MTUS2: variants seen among roughly 807,000 people sequenced by gnomAD.
MTUS2 encodes microtubule-associated tumor suppressor candidate 2.
In MTUS2, 40 loss-of-function variants were observed where a neutral mutation model predicts 114.1. That is an observed-to-expected ratio of 0.35 (90% CI 0.27 to 0.46). The LOEUF is 0.46. Among genes scored for constraint, MTUS2 ranks in the 20% least tolerant of loss-of-function variants. The probability of loss-of-function intolerance (pLI) is 1.00; values close to 1 mark genes in which losing one functional copy is unlikely to be tolerated. For missense variants in MTUS2, 1,679 were observed against 1,705.4 expected (o/e 0.98, Z 0.27); for synonymous variants, 688 against 672.0 (o/e 1.02, Z -0.37).
chr13:29,217,240 G>A (rs1025798484), intron 5 of MTUS2, among the ~76,000 whole-genome samples: 1 of 151,918 alleles, frequency 6.6e-6, no homozygotes, highest in African/African-American at 2.4e-5. Context: ...TACAGCAATG[G>A]TATTATATTC....
At chr13:28,883,372 C>T (rs564822999) in intron 2 of MTUS2, among the ~76,000 whole-genome samples, 1 of 152,184 alleles carries the variant, frequency 6.6e-6, no homozygotes, top group South Asian at 2.1e-4. Context: ...CAGCTTTATT[C>T]AGAATAGAAA....
chr13:29,503,319 G>A lies in MTUS2; in HGVS notation c.*113G>A, dbSNP rs970958709. On this transcript the variant is annotated 3_prime_UTR_variant, in exon 16 of 16. Transcript: ENST00000612955. The stretch of plus-strand genomic sequence containing the variant: ...CCCTGTGCGCATGCTCAGTAGCTGC[G>A]AATGCATCCTAGGCGCGTCCTCCTC... The A allele has an allele frequency of 9.2e-6, 11 of 1,199,136 alleles. No homozygotes were observed. The highest frequency in any genetic ancestry group is 9.5e-6 in the Non-Finnish European group (8 of 843,822). 74.3% of individuals were successfully genotyped at this position (1,199,136 alleles called of 1,614,324 possible).
Position 29,471,748 on chromosome 13 carries a change from C to T in MTUS2, c.3185-8402C>T, listed in dbSNP as rs531152679. 2.5e-4 allele frequency among the ~76,000 whole-genome samples: 37 copies of T among 150,206 alleles called. 1 individual carries two copies. The highest frequency in any genetic ancestry group is 6.6e-4 in the Admixed American group (10 of 15,144). On this transcript the variant is annotated intron_variant, in intron 9 of 15. Transcript: ENST00000612955. ...CCTCTGCTCTGCAGGCCCAGCCCCC[C>T]CCGACACATTGATCTTAGGTCACTT...
At chr13:29,032,192 C>T (rs1270973157) in intron 3 of MTUS2, among the ~76,000 whole-genome samples, 1 of 152,078 alleles carries the variant, frequency 6.6e-6, no homozygotes, top group Non-Finnish European at 1.5e-5. Context: ...CGCAGTTTTC[C>T]CCCTTTTAAA....
chr13:29,232,838 A>G (rs998785190), intron 5 of MTUS2, among the ~76,000 whole-genome samples: 2 of 152,212 alleles, frequency 1.3e-5, no homozygotes, highest in Non-Finnish European at 2.9e-5. Context: ...CTATTCCAGG[A>G]GAAATGTCTG....
chr13:28,894,301 A>AG (rs1566203634), intron 2 of MTUS2, among the ~76,000 whole-genome samples: 1 of 3,144 alleles, frequency 3.2e-4, no homozygotes. Flanking sequence ...AGAGAGAGAG[A>AG]GAGGGGGGGG....
chr13:29,046,117 ATTT>A (rs5802505), intron 4 of MTUS2, among the ~76,000 whole-genome samples: 1 of 144,738 alleles, frequency 6.9e-6, no homozygotes, highest in African/African-American at 2.6e-5. Context: ...GTTAGTAAGT[ATTT>A]TTTTTTTTTT....
Position 28,827,503 on chromosome 13 carries a change from A to G in MTUS2, c.-316+6892A>G, listed in dbSNP as rs145258425. ...ATAATGGCCCAGGATATTGGAATAA[A>G]ATATAAATGTGAGTTAGCATTAATA... On this transcript the variant is annotated intron_variant, in intron 1 of 15. Transcript: ENST00000612955. Among the ~76,000 whole-genome samples, 225 of 152,348 alleles carry G rather than the reference A, an allele frequency of 1.5e-3. 3 individuals carry two copies. The highest frequency in any genetic ancestry group is 5.0e-3 in the African/African-American group (206 of 41,570).
At chr13:29,128,639 A>C (rs1034927146) in intron 5 of MTUS2, among the ~76,000 whole-genome samples, 3 of 152,214 alleles carry the variant, frequency 2.0e-5, no homozygotes, top group African/African-American at 7.2e-5. Context: ...TCAACAGTGA[A>C]TATTTATGAA....
At chr13:29,041,092 C>A (rs1381113503) in intron 4 of MTUS2, among the ~76,000 whole-genome samples, 1 of 152,060 alleles carries the variant, frequency 6.6e-6, no homozygotes, top group Non-Finnish European at 1.5e-5. Context: ...GGTTTCAGGT[C>A]TTAGATTTAA....
At chr13:28,938,065 T>A (rs1336543210) in intron 2 of MTUS2, among the ~76,000 whole-genome samples, 1 of 152,154 alleles carries the variant, frequency 6.6e-6, no homozygotes, top group Non-Finnish European at 1.5e-5. Context: ...AAAGTGTAAT[T>A]TATTGTTAAA....
intron 4 of MTUS2, among the ~76,000 whole-genome samples, chr13:29,087,252 T>C (rs1889732700): frequency 6.6e-6 from 1 of 152,188 alleles, no homozygotes; most frequent in Non-Finnish European, 1.5e-5. Flanking sequence ...CATAGATGGT[T>C]CTTATTAGTT....
At chr13:28,965,163 A>G (rs927476790) in intron 2 of MTUS2, among the ~76,000 whole-genome samples, 1 of 152,196 alleles carries the variant, frequency 6.6e-6, no homozygotes, top group Non-Finnish European at 1.5e-5. Flanking sequence ...TGCCAGTGGC[A>G]CATTTCTTTA....
chr13:29,355,819 G>C lies in MTUS2; in HGVS notation c.2906-3443G>C, dbSNP rs185009723. 1.4e-4 allele frequency among the ~76,000 whole-genome samples: 21 copies of C among 152,284 alleles called. No homozygotes were observed. The East Asian group carries it at 3.9e-3, about 28-fold the overall frequency. On this transcript the variant is annotated intron_variant, in intron 7 of 15. Transcript: ENST00000612955. ...ACATTGGAGATAAAGCTCATTAACA[G>C]TTCGGTAGTGTACTAGGGCCAGTCA...
At chr13:28,883,074 G>A (rs1320340643) in intron 2 of MTUS2, among the ~76,000 whole-genome samples, 4 of 152,146 alleles carry the variant, frequency 2.6e-5, no homozygotes, top group Non-Finnish European at 4.4e-5. Flanking sequence ...TACCCATTAG[G>A]GAAATGCACA....
chr13:29,314,901 T>G lies in MTUS2; in HGVS notation c.2807-9712T>G, dbSNP rs141957024. On this transcript the variant is annotated intron_variant, in intron 6 of 15. Transcript: ENST00000612955. Reference sequence around the variant, plus strand: ...GTGTTTATTGCAACACTATTCACAATAGCCAAGATGTTGAATCAACCTTGT... The same window carrying G: ...GTGTTTATTGCAACACTATTCACAAGAGCCAAGATGTTGAATCAACCTTGT... Among the ~76,000 whole-genome samples, 5 of 152,316 alleles carry G rather than the reference T, an allele frequency of 3.3e-5. No individual in the cohort carries two copies. The East Asian group carries it at 9.6e-4, about 29-fold the overall frequency.
chr13:29,491,943 GTGGCA>G lies in MTUS2; in HGVS notation c.3506-700_3506-696del, dbSNP rs1293959754. ...TGATGTGTGTGTGGTAGGTGTGTGT[GTGGCA>G]TGTAGTGTGTGTGTATGTGATGTGT... On this transcript the variant is annotated intron_variant, in intron 11 of 15. Transcript: ENST00000612955. Among the ~76,000 whole-genome samples the G allele has an allele frequency of 1.9e-3, 291 of 149,610 alleles. 2 individuals are homozygous for G. Among genetic ancestry groups the G allele is most frequent in the African/African-American group, 6.8e-3 (275 of 40,506 alleles).
chr13:29,415,177 C>A (rs1875574793), intron 8 of MTUS2, among the ~76,000 whole-genome samples: 1 of 151,808 alleles, frequency 6.6e-6, no homozygotes. Context: ...ATTTCTAACT[C>A]ATGGAACTTA....
chr13:29,330,876 C>T (rs796403759), intron 7 of MTUS2, among the ~76,000 whole-genome samples: 28 of 152,268 alleles, frequency 1.8e-4, no homozygotes, highest in African/African-American at 6.7e-4. Context: ...CGTGATGCCT[C>T]CAGCTTTGTT....
Sources: allele counts gnomAD v4.1 joint callset (sites outside exome capture counted in the v4.1 genomes callset), GRCh38; gene constraint gnomAD v4.1.1; transcripts MANE v1.5; gene names NCBI Gene and HGNC (gene_info 2026-07-23, HGNC 2026-07-21).